The following NAV2 variants were observed in gnomAD, a reference collection of about 807,000 sequenced individuals.
NAV2 encodes the protein helicase, APC down-regulated 1.
A neutral mutation model predicts 223.2 loss-of-function variants in NAV2; 54 were observed. The observed-to-expected ratio is 0.24, with a 90% confidence interval of 0.19 to 0.30. The LOEUF (loss-of-function observed/expected upper bound fraction) is 0.30, where lower values mean the gene tolerates loss of function less well. Ranked by LOEUF, NAV2 falls within the 10% of genes least tolerant of loss-of-function variation. The pLI, the probability that NAV2 is intolerant of heterozygous loss-of-function variation, is 1.00. For missense variants in NAV2, 2,806 were observed against 3,147.5 expected (o/e 0.89, Z 2.60); for synonymous variants, 1,279 against 1,239.3 (o/e 1.03, Z -0.67).
intron 1 of NAV2, among the ~76,000 whole-genome samples, chr11:19,752,526 A>C (rs2053916425): frequency 6.6e-6 from 1 of 152,226 alleles, no homozygotes; most frequent in Non-Finnish European, 1.5e-5. Context: ...TATTTTGATC[A>C]ATTTCCTTTT....
chr11:19,459,640 A>G (rs1007281811), intron 1 of NAV2, among the ~76,000 whole-genome samples: 6 of 152,350 alleles, frequency 3.9e-5, no homozygotes, highest in Non-Finnish European at 8.8e-5. Context: ...ATGGAGTGGG[A>G]TAATCAACCA....
At chr11:20,076,590 T>G (rs2059768673) in intron 22 of NAV2, among the ~76,000 whole-genome samples, 1 of 152,218 alleles carries the variant, frequency 6.6e-6, no homozygotes, top group African/African-American at 2.4e-5. Context: ...ATTTTTGGCT[T>G]TAATAACATT....
intron 1 of NAV2, among the ~76,000 whole-genome samples, chr11:19,403,783 T>TG (rs1393502864): frequency 6.6e-6 from 1 of 151,790 alleles, no homozygotes; most frequent in Non-Finnish European, 1.5e-5. Context: ...GTATGTGCTA[T>TG]GGGGAAAAAT....
At chr11:19,395,339 G>T (rs1849406965) in intron 1 of NAV2, among the ~76,000 whole-genome samples, 1 of 152,218 alleles carries the variant, frequency 6.6e-6, no homozygotes, top group South Asian at 2.1e-4. Context: ...CCCTACATTT[G>T]TTCAGTGTGC....
chr11:19,880,259 G>A, intron 5 of NAV2, 132 bp downstream of exon 5: 1 of 1,286,764 alleles, frequency 7.8e-7, no homozygotes, highest in Non-Finnish European at 1.0e-6. Context: ...TGGTTAGTGG[G>A]AAATTAGCAT....
chr11:19,533,286 A>T (rs763769907), intron 1 of NAV2, among the ~76,000 whole-genome samples: 1 of 152,072 alleles, frequency 6.6e-6, no homozygotes, highest in Non-Finnish European at 1.5e-5. Context: ...GCTATTTAGC[A>T]GCATCCTCGG....
rs140208084 is a variant in NAV2, at chr11:19,896,439, T to C, written c.931+3845T>C. 3.2e-3 allele frequency among the ~76,000 whole-genome samples: 492 copies of C among 152,296 alleles called. 4 individuals are homozygous for C. The highest frequency in any genetic ancestry group is 0.011 in the African/African-American group (469 of 41,570). On this transcript the variant is annotated intron_variant, in intron 6 of 37. Transcript: ENST00000349880. Reference sequence around the variant, plus strand: ...CACACAGCATTTGTCTTTTTGTGTATGGGACAGAGCTACTGAAGAATTAAA... The same window carrying C: ...CACACAGCATTTGTCTTTTTGTGTACGGGACAGAGCTACTGAAGAATTAAA...
At chr11:20,013,877 C>T (rs1013980655) in intron 11 of NAV2, among the ~76,000 whole-genome samples, 1 of 152,184 alleles carries the variant, frequency 6.6e-6, no homozygotes, top group African/African-American at 2.4e-5. Context: ...GGGTGGCAGC[C>T]TGCTCAGTAA....
chr11:19,448,155 C>T (rs1020414443), intron 1 of NAV2, among the ~76,000 whole-genome samples: 6 of 151,454 alleles, frequency 4.0e-5, no homozygotes, highest in Non-Finnish European at 5.9e-5. Context: ...CCCTACCCCA[C>T]CCCCCATCAC....
chr11:19,504,921 G>A (rs1351635481), intron 1 of NAV2: 1 of 152,210 alleles, frequency 6.6e-6, no homozygotes, highest in Non-Finnish European at 1.5e-5. Context: ...CTAATTTTCA[G>A]ATGAGGAACC....
intron 1 of NAV2, among the ~76,000 whole-genome samples, chr11:19,793,006 C>T (rs2057632378): frequency 6.6e-6 from 1 of 151,344 alleles, no homozygotes; most frequent in Admixed American, 6.6e-5. Flanking sequence ...GTCAGGAGTT[C>T]GAGACCAGCC....
At chr11:19,547,282 T>C (rs1350418512) in intron 1 of NAV2, among the ~76,000 whole-genome samples, 1 of 152,196 alleles carries the variant, frequency 6.6e-6, no homozygotes, top group African/African-American at 2.4e-5. Flanking sequence ...ACCCAGCAGA[T>C]GACAGCTTTA....
At chr11:19,913,684 C>G (rs1442895911) in intron 6 of NAV2, among the ~76,000 whole-genome samples, 1 of 152,174 alleles carries the variant, frequency 6.6e-6, no homozygotes. Flanking sequence ...ACTCTGGTTC[C>G]AGATCTGCTA....
intron 3 of NAV2, among the ~76,000 whole-genome samples, chr11:19,868,601 C>G (rs1051850649): frequency 6.6e-6 from 1 of 152,174 alleles, no homozygotes; most frequent in South Asian, 2.1e-4. Flanking sequence ...TCCACTAACC[C>G]TTTCCCCACC....
chr11:19,372,175 G>A (rs1252013876), intron 1 of NAV2, among the ~76,000 whole-genome samples: 2 of 152,172 alleles, frequency 1.3e-5, no homozygotes, highest in African/African-American at 2.4e-5. Context: ...AAGGCATCAT[G>A]TTTCTCTTGG....
At chr11:20,008,997 C>T (rs1247242927) in intron 11 of NAV2, among the ~76,000 whole-genome samples, 1 of 152,146 alleles carries the variant, frequency 6.6e-6, no homozygotes, top group East Asian at 1.9e-4. Flanking sequence ...CCATCGTGTT[C>T]AACCATCACT....
chr11:20,103,648 C>T lies in NAV2; in HGVS notation c.6573-5C>T, dbSNP rs760031734. The T allele has an allele frequency of 2.5e-5, 41 of 1,613,676 alleles. No homozygotes were observed. The highest frequency in any genetic ancestry group is 3.3e-4 in the Middle Eastern group (2 of 6,084). On this transcript the variant is annotated splice_polypyrimidine_tract_variant and splice_region_variant and intron_variant, in intron 33 of 37. Transcript: ENST00000349880. The stretch of plus-strand genomic sequence containing the variant: ...CAGCTTTCTTTTCCTTTATTTTATC[C>T]GCAGCCCTTACATAATTGGCACAAT...
At chr11:20,058,944 C>T (rs545462084) in intron 19 of NAV2, among the ~76,000 whole-genome samples, 2 of 152,266 alleles carry the variant, frequency 1.3e-5, no homozygotes, top group Admixed American at 6.5e-5. Flanking sequence ...TTATCATCCT[C>T]ATTTTTTTAA....
intron 1 of NAV2, among the ~76,000 whole-genome samples, chr11:19,762,040 C>T (rs2152544821): frequency 6.6e-6 from 1 of 152,260 alleles, no homozygotes; most frequent in South Asian, 2.1e-4. Flanking sequence ...GTCAGGAGTT[C>T]AAGACTAGCC....
Sources: gnomAD v4.1 joint callset for allele counts (sites outside exome capture counted in the v4.1 genomes callset) on GRCh38, gnomAD v4.1.1 for gene constraint, MANE v1.5 for transcripts, NCBI Gene and HGNC (gene_info 2026-07-23, HGNC 2026-07-21) for gene names.